The following ZMYND11 variants were observed in gnomAD, a reference collection of about 807,000 sequenced individuals.
ZMYND11 encodes the protein zinc finger MYND domain-containing protein 11.
Under a neutral mutation model 84.9 loss-of-function variants are expected in ZMYND11, and 9 were observed. The ratio of observed to expected loss-of-function variants is 0.11; its 90% CI spans 0.06 to 0.18. ZMYND11 has a LOEUF of 0.18. ZMYND11 is among the 10% of genes least tolerant of loss of function. The probability of loss-of-function intolerance (pLI) is 1.00; values close to 1 mark genes in which losing one functional copy is unlikely to be tolerated. For synonymous variants in ZMYND11, 250 were observed against 244.1 expected (o/e 1.02, Z -0.23); for missense variants, 409 against 761.0 (o/e 0.54, Z 5.44).
At chr10:198,126 A>G in intron 2 of ZMYND11, 1 of 380,590 alleles carries the variant, frequency 2.6e-6, no homozygotes, top group Non-Finnish European at 4.7e-6. Context: ...ATTTTAAATT[A>G]AAAATATTTC....
chr10:206,362 A>T (rs1944172697), intron 2 of ZMYND11, among the ~76,000 whole-genome samples: 2 of 152,212 alleles, frequency 1.3e-5, no homozygotes, highest in Non-Finnish European at 2.9e-5. Flanking sequence ...TCCATCTCAA[A>T]AATAATAATA....
intron 12 of ZMYND11, 36 bp downstream of exon 12, chr10:247,502 T>C (rs755019989): frequency 6.3e-7 from 1 of 1,593,434 alleles, no homozygotes; most frequent in Non-Finnish European, 8.6e-7. Flanking sequence ...AGGTGGCAAA[T>C]GAAACAGGAA....
intron 2 of ZMYND11, among the ~76,000 whole-genome samples, chr10:192,716 C>T (rs1432064039): frequency 6.6e-6 from 1 of 152,186 alleles, no homozygotes; most frequent in Non-Finnish European, 1.5e-5. Context: ...TGCGTATCTG[C>T]ATTTGCTTAG....
In ZMYND11 at chr10:210,031, T is replaced by C. The variant is rs1057310605; in HGVS notation, c.259T>C (p.Leu87=). The C allele has an allele frequency of 2.5e-6, 4 of 1,613,908 alleles. No homozygotes were observed. Among genetic ancestry groups the C allele is most frequent in the Non-Finnish European group, 3.4e-6 (4 of 1,179,932 alleles). ...TGGTATTGAACAAGAAGGATATTGG[T>C]TGCCAGGAGATGAGATTGTAAGTAC... ...KAGIEQEGYW[L]PGDEIDWETE... Residue 87 remains leucine (L), a synonymous_variant, in exon 3 of 15, where the codon TTG becomes CTG. Transcript: ENST00000381604.
At chr10:229,573 C>T (rs968554761) in intron 4 of ZMYND11, among the ~76,000 whole-genome samples, 1 of 151,920 alleles carries the variant, frequency 6.6e-6, no homozygotes, top group Admixed American at 6.6e-5. Context: ...GTGGGTAGGT[C>T]GAGTTTTCTA....
intron 9 of ZMYND11, among the ~76,000 whole-genome samples, chr10:241,817 C>T (rs1724879524): frequency 6.6e-6 from 1 of 152,108 alleles, no homozygotes; most frequent in Non-Finnish European, 1.5e-5. Flanking sequence ...GTCCCGACCT[C>T]TTCTGAGGAA....
rs1952374344 is a variant in ZMYND11, at chr10:247,449, G to C, written c.1210G>C (p.Val404Leu). Residue 404 changes from valine to leucine, a missense_variant, in exon 12 of 15, where the codon GTG becomes CTG. Physicochemically the swap from Val to Leu is conservative, Grantham distance 32. This residue lies in a region of ZMYND11 where 19 missense variants were observed against 60.5 expected (regional missense o/e 0.31). Coordinates refer to ENST00000381604, the MANE Select transcript of ZMYND11 (RefSeq NM_001370100.5). ...RAKKGRRNQSVEPKKEEPEPE... is the reference protein window; with the variant it reads ...RAKKGRRNQSLEPKKEEPEPE... ...AAAGAAAGGACGACGTAATCAAAGT[G>C]TGGAGCCCAAAAAGGAAGTAAGTTG... 6.2e-7 allele frequency: 1 copy of C among 1,613,982 alleles called. No homozygotes were observed. Among genetic ancestry groups the C allele is most frequent in the Non-Finnish European group, 8.5e-7 (1 of 1,179,980 alleles).
intron 1 of ZMYND11, among the ~76,000 whole-genome samples, chr10:157,913 T>TC (rs1842072069): frequency 6.6e-6 from 1 of 152,238 alleles, no homozygotes; most frequent in Non-Finnish European, 1.5e-5. Flanking sequence ...TTCCAGTTTT[T>TC]CTGTGTATTT....
intron 2 of ZMYND11, 112 bp from the exon 3 acceptor site, chr10:209,777 C>G: frequency 2.0e-6 from 2 of 1,022,222 alleles, no homozygotes; most frequent in Non-Finnish European, 2.8e-6. Context: ...CTCAACAGGA[C>G]TCTCATAAAT....
At chr10:186,048 C>G (rs552772173) in intron 2 of ZMYND11, among the ~76,000 whole-genome samples, 1 of 148,944 alleles carries the variant, frequency 6.7e-6, no homozygotes, top group African/African-American at 2.5e-5. Flanking sequence ...CTGGCTCTTT[C>G]GCCCAGGTTG....
chr10:239,326 C>T (rs1279671701), intron 6 of ZMYND11, 112 bp from the exon 7 acceptor site: 1 of 795,728 alleles, frequency 1.3e-6, no homozygotes, highest in Non-Finnish European at 2.1e-6. Flanking sequence ...TGTGGGATGG[C>T]AGTAGTCATC....
chr10:246,691 C>T (rs1415130633), intron 10 of ZMYND11, 75 bp from the exon 11 acceptor site: 24 of 1,386,524 alleles, frequency 1.7e-5, no homozygotes, highest in Non-Finnish European at 2.3e-5. Context: ...CAGGCAGGGT[C>T]CACTGAAGCC....
At chr10:179,606 G>C (rs57748257) in intron 1 of ZMYND11, among the ~76,000 whole-genome samples, 3 of 152,070 alleles carry the variant, frequency 2.0e-5, no homozygotes, top group African/African-American at 7.2e-5. Context: ...GTGCCAATTA[G>C]AATATTTAAA....
intron 2 of ZMYND11, among the ~76,000 whole-genome samples, chr10:201,181 C>A (rs1174420786): frequency 6.6e-6 from 1 of 152,064 alleles, no homozygotes; most frequent in Non-Finnish European, 1.5e-5. Context: ...AATTGGGGGG[C>A]AGTCCTAAGT....
chr10:249,358 T>C, intron 14 of ZMYND11: 1 of 1,192,642 alleles, frequency 8.4e-7, no homozygotes, highest in Non-Finnish European at 1.0e-6. Context: ...ACTTATATAA[T>C]TTCTCCATCT....
chr10:218,111 C>T (rs1236734403), intron 3 of ZMYND11, among the ~76,000 whole-genome samples: 1 of 152,150 alleles, frequency 6.6e-6, no homozygotes, highest in Non-Finnish European at 1.5e-5. Context: ...TTTATAATGG[C>T]ACTGAATTTA....
intron 5 of ZMYND11, among the ~76,000 whole-genome samples, chr10:237,282 T>C (rs1950150363): frequency 6.6e-6 from 1 of 152,246 alleles, no homozygotes; most frequent in South Asian, 2.1e-4. Context: ...TATTAAACTA[T>C]ATAGTAGTAT....
At chr10:222,221 T>C (rs1215572909) in intron 4 of ZMYND11, among the ~76,000 whole-genome samples, 1 of 152,230 alleles carries the variant, frequency 6.6e-6, no homozygotes, top group Non-Finnish European at 1.5e-5. Context: ...CAAAAAACAT[T>C]TTTTCATAAC....
chr10:236,659 C>T (rs755035973), intron 4 of ZMYND11, among the ~76,000 whole-genome samples, 179 bp from the exon 5 acceptor site: 10 of 152,014 alleles, frequency 6.6e-5, no homozygotes, highest in Non-Finnish European at 1.5e-4. Context: ...CACCTTGTTA[C>T]ATTAGATGCT....
Sources: allele counts gnomAD v4.1 joint callset (sites outside exome capture counted in the v4.1 genomes callset), GRCh38; gene constraint gnomAD v4.1.1; regional missense constraint gnomAD v4.1.1; transcripts MANE v1.5; gene names NCBI Gene and HGNC (gene_info 2026-07-23, HGNC 2026-07-21).